Variants in SLC35F5 observed in about 807,000 individuals in gnomAD.
SLC35F5 encodes the protein solute carrier family 35 member F5, also known as HCV NS5A-transactivated protein 3.
SLC35F5 carries 54 observed loss-of-function variants against 68.6 expected under a neutral mutation model. The ratio of observed to expected loss-of-function variants is 0.79; its 90% CI spans 0.63 to 0.99. The LOEUF is 0.99. Ranked by LOEUF, SLC35F5 falls within the 50% of genes least tolerant of loss-of-function variation. SLC35F5 has a pLI of 0.00. For synonymous variants in SLC35F5, 211 were observed against 205.2 expected (o/e 1.03, Z -0.24); for missense variants, 567 against 626.9 (o/e 0.90, Z 1.02).
chr2:113,753,168 C>CTTTTTTTTTTTTTTTTTTT lies in SLC35F5; in HGVS notation c.273+1978_273+1996dup, dbSNP rs1173478465. 6.1e-3 allele frequency among the ~76,000 whole-genome samples: 297 copies of CTTTTTTTTTTTTTTTTTTT among 49,086 alleles called. 90 individuals carry two copies. The highest frequency in any genetic ancestry group is 8.2e-3 in the Non-Finnish European group (232 of 28,300). 32.2% of individuals were successfully genotyped at this position (49,086 alleles called of 152,430 possible). A position where few individuals can be genotyped will look rare whatever the true frequency, so the allele number is the denominator to read the frequency against. On this transcript the variant is annotated intron_variant, in intron 3 of 15. Transcript: ENST00000245680. Reference sequence around the variant, plus strand: ...CACTTTATCTCCAAAGTTTGTTTTTCTTTTTTTTTTTTTTTTTTTTTTTTT... The same window carrying CTTTTTTTTTTTTTTTTTTT: ...CACTTTATCTCCAAAGTTTGTTTTTCTTTTTTTTTTTTTTTTTTTTTTTTTTTTTTTTTTTTTTTTTTTT...
At chr2:113,741,458 T>C (rs942048384) in intron 7 of SLC35F5, among the ~76,000 whole-genome samples, 8 of 152,160 alleles carry the variant, frequency 5.3e-5, no homozygotes, top group Non-Finnish European at 5.9e-5. Flanking sequence ...CCCAACACTT[T>C]GGCAGGCTGA....
chr2:113,718,130 C>A (rs1309604613), intron 14 of SLC35F5, among the ~76,000 whole-genome samples: 2 of 152,136 alleles, frequency 1.3e-5, no homozygotes, highest in Non-Finnish European at 2.9e-5. Flanking sequence ...GTCACCCAGG[C>A]TAAAGTGTAG....
chr2:113,742,788 C>T lies in SLC35F5; in HGVS notation c.654G>A (p.Met218Ile), dbSNP rs1344609876. ...ATTCTTGTTCTTTCACAGGATATGA[C>T]ATGCGAGACAACTTTGCTTCCAATG... The part of the protein sequence containing the change: ...SHALEAKLSR[M>I]SYPVKEQESI... Residue 218 changes from methionine (M) to isoleucine (I), a missense_variant, in exon 7 of 16, where the codon ATG becomes ATA. Transcript: ENST00000245680. 3.7e-6 allele frequency: 6 copies of T among 1,614,100 alleles called. No individual in the cohort carries two copies. Among genetic ancestry groups the T allele is most frequent in the Middle Eastern group, 1.6e-4 (1 of 6,062 alleles).
chr2:113,709,720 G>A lies in SLC35F5; in HGVS notation c.*5498C>T, dbSNP rs114098076. Among the ~76,000 whole-genome samples the A allele has an allele frequency of 2.7e-3, 417 of 152,272 alleles. 3 individuals are homozygous for A. The highest frequency in any genetic ancestry group is 6.8e-3 in the Middle Eastern group (2 of 294). On this transcript the variant is annotated 3_prime_UTR_variant, in exon 16 of 16. Transcript: ENST00000245680. The stretch of plus-strand genomic sequence containing the variant: ...CCAGCAGCTGGGGCATTACCTGGAC[G>A]CTTGTTAGAAAGGCAAATTACCAGG...
chr2:113,754,707 C>T (rs1230148490), intron 3 of SLC35F5, among the ~76,000 whole-genome samples: 3 of 152,164 alleles, frequency 2.0e-5, no homozygotes, highest in Non-Finnish European at 4.4e-5. Flanking sequence ...AGTCAGCAAG[C>T]ATAAATGTGG....
At chr2:113,736,102 GTTT>G (rs5833509) in intron 7 of SLC35F5, among the ~76,000 whole-genome samples, 1 of 145,756 alleles carries the variant, frequency 6.9e-6, no homozygotes, top group East Asian at 2.0e-4. Flanking sequence ...TAGCATTCAG[GTTT>G]TTTTTTTTAA....
At chr2:113,748,819 T>C (rs1022674486) in intron 4 of SLC35F5, among the ~76,000 whole-genome samples, 2 of 105,338 alleles carry the variant, frequency 1.9e-5, no homozygotes, top group Admixed American at 9.1e-5. Flanking sequence ...TTTATTTATT[T>C]ATTTTGAGAC....
intron 13 of SLC35F5, among the ~76,000 whole-genome samples, chr2:113,722,293 G>A (rs188953992): frequency 6.6e-6 from 1 of 152,078 alleles, no homozygotes. Context: ...AGAAAAATAG[G>A]TTTAAAATTT....
rs1309247431 is a variant in SLC35F5 at position 113,714,653 on chromosome 2, A to G, written c.*565T>C. Reference sequence around the variant, plus strand: ...AAGTGAACCAGATATTTTCTCAAATACTTATTCTTTTTAAAGTCCCATGAA... The same window carrying G: ...AAGTGAACCAGATATTTTCTCAAATGCTTATTCTTTTTAAAGTCCCATGAA... On this transcript the variant is annotated 3_prime_UTR_variant, in exon 16 of 16. Transcript: ENST00000245680. The G allele has an allele frequency of 6.6e-6, 1 of 152,154 alleles. No homozygotes were observed. Among genetic ancestry groups the G allele is most frequent in the Non-Finnish European group, 1.5e-5 (1 of 67,978 alleles). The allele number at this position is 152,154 out of a possible 1,614,324, so 9.4% of individuals were successfully genotyped here.
intron 7 of SLC35F5, among the ~76,000 whole-genome samples, chr2:113,741,172 C>G (rs2104458932): frequency 6.6e-6 from 1 of 152,224 alleles, no homozygotes; most frequent in Admixed American, 6.5e-5. Context: ...GTGAAATAAA[C>G]CAGTCTCAAA....
downstream of SLC35F5, chr2:113,705,380 C>T (rs11674510): frequency 0.25 from 37,466 of 152,100 alleles, 5,005 homozygotes; most frequent in Middle Eastern, 0.5. Flanking sequence ...GGTGAAACCC[C>T]GTCTCTACTA....
intron 4 of SLC35F5, among the ~76,000 whole-genome samples, chr2:113,749,128 A>G (rs947050058): frequency 6.6e-6 from 1 of 152,170 alleles, no homozygotes; most frequent in African/African-American, 2.4e-5. Context: ...GAGGCTCAAG[A>G]GATCTGCCTG....
At chr2:113,726,252 G>T (rs889395479) in intron 11 of SLC35F5, among the ~76,000 whole-genome samples, 1 of 152,030 alleles carries the variant, frequency 6.6e-6, no homozygotes, top group East Asian at 1.9e-4. Flanking sequence ...ATTTAATTAG[G>T]TTGCTGGGAA....
chr2:113,722,725 C>G (rs997035753), intron 13 of SLC35F5, among the ~76,000 whole-genome samples: 8 of 152,192 alleles, frequency 5.3e-5, no homozygotes, highest in Admixed American at 4.6e-4. Flanking sequence ...CTGCAAACAG[C>G]ATGATTCCTG....
rs563580849 is a variant in SLC35F5 at position 113,731,161 on chromosome 2, T to C, written c.985+423A>G. On this transcript the variant is annotated intron_variant, in intron 10 of 15. Transcript: ENST00000245680. Reference sequence around the variant, plus strand: ...TCTACAAACCAACTAGGTGGTACCCTACAAAAGTGTCAAGGTCATAAAAGA... The same window carrying C: ...TCTACAAACCAACTAGGTGGTACCCCACAAAAGTGTCAAGGTCATAAAAGA... Among the ~76,000 whole-genome samples, 3 of 152,198 alleles carry C rather than the reference T, an allele frequency of 2.0e-5. No individual in the cohort carries two copies. In the South Asian group the frequency reaches 6.2e-4, roughly 32 times the overall value.
rs1036942815 is a variant in SLC35F5 at position 113,708,660 on chromosome 2, C to T, written c.*6558G>A. Reference sequence around the variant, plus strand: ...GGCAGAGGTTAGAGTGAGCCGAGATCGTGCCACTGCACTTCAGCCTGGGCA... The same window carrying T: ...GGCAGAGGTTAGAGTGAGCCGAGATTGTGCCACTGCACTTCAGCCTGGGCA... On this transcript the variant is annotated 3_prime_UTR_variant, in exon 16 of 16. Coordinates refer to ENST00000245680, the MANE Select transcript of SLC35F5 (RefSeq NM_025181.5). Among the ~76,000 whole-genome samples the T allele has an allele frequency of 6.6e-6, 1 of 152,014 alleles. No homozygotes were observed. Among genetic ancestry groups the T allele is most frequent in the East Asian group, 1.9e-4 (1 of 5,190 alleles).
At position 113,709,160 on chromosome 2, in the gene SLC35F5, T is replaced by C. The variant is rs1686891285; in HGVS notation, c.*6058A>G. Among the ~76,000 whole-genome samples the C allele has an allele frequency of 6.6e-6, 1 of 152,148 alleles. No homozygotes were observed. Among genetic ancestry groups the C allele is most frequent in the African/African-American group, 2.4e-5 (1 of 41,422 alleles). Reference sequence around the variant, plus strand: ...GTACACATAGGTGTTTGGCATTGTCTCTGGAACTACAAAACTATGGCCTAT... The same window carrying C: ...GTACACATAGGTGTTTGGCATTGTCCCTGGAACTACAAAACTATGGCCTAT... On this transcript the variant is annotated 3_prime_UTR_variant, in exon 16 of 16. Transcript: ENST00000245680.
Position 113,731,267 on chromosome 2 carries a change from A to AC in SLC35F5, c.985+316_985+317insG, listed in dbSNP as rs1687874675. Among the ~76,000 whole-genome samples, 3 of 152,198 alleles carry AC rather than the reference A, an allele frequency of 2.0e-5. No individual in the cohort carries two copies. In the South Asian group the frequency reaches 6.2e-4, roughly 31 times the overall value. ...TAAATGCAATAAATGATCCTAGATC[A>AC]GAAAAAGAACATTAGTGGAAAAAGT... On this transcript the variant is annotated intron_variant, in intron 10 of 15. Transcript: ENST00000245680.
downstream of SLC35F5, among the ~76,000 whole-genome samples, chr2:113,702,856 C>A (rs555379594): frequency 6.6e-6 from 1 of 152,248 alleles, no homozygotes. Flanking sequence ...CATCTGTAAT[C>A]CTAGCACTTT....
Sources: gnomAD v4.1 joint callset for allele counts (sites outside exome capture counted in the v4.1 genomes callset) on GRCh38, gnomAD v4.1.1 for gene constraint, MANE v1.5 for transcripts, NCBI Gene and HGNC (gene_info 2026-07-23, HGNC 2026-07-21) for gene names.